Variants in SLC60A1 observed in about 807,000 individuals in gnomAD.
The protein encoded by SLC60A1 is major facilitator superfamily domain containing 4.
At chr1:205,597,298 CTCA>C in the SLC60A1 span, among the ~76,000 whole-genome samples, 1 of 150,948 alleles carries the variant, frequency 6.6e-6, no homozygotes, top group South Asian at 2.1e-4. Flanking sequence ...AAGTTACAGG[CTCA>C]TGTCTGAGAA....
the SLC60A1 span, among the ~76,000 whole-genome samples, chr1:205,586,806 C>T: frequency 6.6e-6 from 1 of 151,960 alleles, no homozygotes; most frequent in Non-Finnish European, 1.5e-5. Flanking sequence ...AAGTGATTCT[C>T]CTGCCTCAGC....
chr1:205,585,050 C>A, the SLC60A1 span: 5 of 1,407,324 alleles, frequency 3.6e-6, no homozygotes, highest in Non-Finnish European at 5.0e-6. The surrounding 1 kb of genome is among the most constrained non-coding windows in gnomAD (Gnocchi z 4.2). Context: ...AGACTCCAGT[C>A]TGGGAAAGGC....
At chr1:205,580,729 G>A in the SLC60A1 span, 1 of 1,613,852 alleles carries the variant, frequency 6.2e-7, no homozygotes, top group Admixed American at 1.7e-5. This position sits in a 1 kb window ranked among gnomAD's most constrained non-coding sequence, Gnocchi z 5.0. Context: ...TCCTGTCTGA[G>A]GCCAACTGCT....
chr1:205,575,991 C>T, the SLC60A1 span, among the ~76,000 whole-genome samples: 1 of 152,212 alleles, frequency 6.6e-6, no homozygotes, highest in Non-Finnish European at 1.5e-5. Flanking sequence ...CTACTCCTCT[C>T]TTTTCCCCTA....
At chr1:205,588,246 T>G in the SLC60A1 span, among the ~76,000 whole-genome samples, 3 of 151,660 alleles carry the variant, frequency 2.0e-5, no homozygotes, top group Non-Finnish European at 4.4e-5. Flanking sequence ...CCGAGGCGGG[T>G]GGATCATGAG....
At chr1:205,574,357 G>A in the SLC60A1 span, among the ~76,000 whole-genome samples, 7 of 152,018 alleles carry the variant, frequency 4.6e-5, no homozygotes, top group Middle Eastern at 3.4e-3. Flanking sequence ...AAGTGGGAGG[G>A]TCACTTGAGC....
At chr1:205,599,132 T>C in the SLC60A1 span, 7 of 1,613,942 alleles carry the variant, frequency 4.3e-6, no homozygotes, top group Non-Finnish European at 5.9e-6. Flanking sequence ...CTTTGGCAGA[T>C]ATTCCAGGCT....
chr1:205,582,106 C>G, the SLC60A1 span, among the ~76,000 whole-genome samples: 2 of 152,230 alleles, frequency 1.3e-5, no homozygotes, highest in Non-Finnish European at 2.9e-5. Context: ...TGCTCCTTCC[C>G]TTTTCAGCCC....
At chr1:205,588,469 CAAAAAAAAA>C in the SLC60A1 span, among the ~76,000 whole-genome samples, 15 of 84,732 alleles carry the variant, frequency 1.8e-4, no homozygotes, top group Non-Finnish European at 3.1e-4. Flanking sequence ...GACTTCAAAT[CAAAAAAAAA>C]AAAAAAAAAA....
At chr1:205,597,684 C>A in the SLC60A1 span, 1 of 1,282,314 alleles carries the variant, frequency 7.8e-7, no homozygotes, top group Non-Finnish European at 1.1e-6. Flanking sequence ...TTCCGAAATG[C>A]ATATGCCACT....
chr1:205,597,861 A>C, the SLC60A1 span: 1 of 1,613,400 alleles, frequency 6.2e-7, no homozygotes, highest in African/African-American at 1.3e-5. Context: ...GTATGTGGGG[A>C]CCTGTAAGGG....
At chr1:205,592,268 G>A in the SLC60A1 span, 2 of 1,613,970 alleles carry the variant, frequency 1.2e-6, no homozygotes, top group Non-Finnish European at 1.7e-6. Flanking sequence ...CCTACACGGA[G>A]GACTCGCTGC....
chr1:205,593,500 G>C, the SLC60A1 span, among the ~76,000 whole-genome samples: 2 of 151,632 alleles, frequency 1.3e-5, no homozygotes, highest in African/African-American at 2.4e-5. Context: ...AGAGAGGAGT[G>C]GGGGAAGTTG....
At chr1:205,599,005 T>C in the SLC60A1 span, 4 of 1,246,878 alleles carry the variant, frequency 3.2e-6, no homozygotes, top group East Asian at 7.0e-5. Flanking sequence ...CGTGATTCCA[T>C]CTCTTGGTGT....
chr1:205,599,096 A>G, the SLC60A1 span: 1 of 1,611,618 alleles, frequency 6.2e-7, no homozygotes. Context: ...GTGAAGTTTT[A>G]ATTGTCTGTC....
At chr1:205,600,548 G>A in the SLC60A1 span, 7 of 1,377,174 alleles carry the variant, frequency 5.1e-6, no homozygotes, top group Non-Finnish European at 7.2e-6. Context: ...TGGTGGTGGA[G>A]GCGCTCTCTC....
the SLC60A1 span, among the ~76,000 whole-genome samples, chr1:205,573,069 C>T: frequency 6.6e-6 from 1 of 152,014 alleles, no homozygotes; most frequent in Non-Finnish European, 1.5e-5. Flanking sequence ...TCAAAGACAA[C>T]CTGGGCAGCA....
At chr1:205,595,399 G>A in the SLC60A1 span, among the ~76,000 whole-genome samples, 1 of 152,178 alleles carries the variant, frequency 6.6e-6, no homozygotes, top group Non-Finnish European at 1.5e-5. Context: ...ACTCCAGGAA[G>A]TGTCCCTCTC....
At chr1:205,599,088 G>C in the SLC60A1 span, 6 of 1,610,650 alleles carry the variant, frequency 3.7e-6, no homozygotes, top group African/African-American at 5.4e-5. Context: ...CCTTCCACGT[G>C]AAGTTTTAAT....
Sources: allele counts gnomAD v4.1 joint callset (sites outside exome capture counted in the v4.1 genomes callset), GRCh38; gene constraint gnomAD v4.1.1; non-coding constraint Gnocchi (gnomAD v3.1); transcripts MANE v1.5; gene names NCBI Gene and HGNC (gene_info 2026-07-23, HGNC 2026-07-21).